Variants in RGS6 observed in about 807,000 individuals in gnomAD.
RGS6 encodes regulator of G-protein signaling 6.
In RGS6, 30 loss-of-function variants were observed where a neutral mutation model predicts 78.5. That is an observed-to-expected ratio of 0.38 (90% confidence interval 0.29 to 0.52). RGS6 has a LOEUF of 0.52. Among genes scored for constraint, RGS6 ranks in the 20% least tolerant of loss-of-function variants. The pLI is 0.85. For synonymous variants in RGS6, 206 were observed against 206.0 expected (o/e 1.00, Z 0.00); for missense variants, 495 against 609.7 (o/e 0.81, Z 1.98).
chr14:71,940,941 T>C (rs1043765122), intron 1 of RGS6, among the ~76,000 whole-genome samples: 63 of 152,222 alleles, frequency 4.1e-4, no homozygotes, highest in African/African-American at 1.5e-3. Flanking sequence ...AGATCAGGCA[T>C]TTCCAGCTCA....
Position 72,250,808 on chromosome 14 carries a change from C to T in RGS6, c.85-101287C>T, listed in dbSNP as rs183258116. ...TCCCTAGTCTTTAAGTGTGTGGATTCAATCATTTATTCATTTTTCTTTATC... is the reference window on the plus strand; with the variant it reads ...TCCCTAGTCTTTAAGTGTGTGGATTTAATCATTTATTCATTTTTCTTTATC... On this transcript the variant is annotated intron_variant, in intron 2 of 17. Coordinates refer to ENST00000553525, the MANE Select transcript of RGS6 (RefSeq NM_001204424.2). 3.5e-3 allele frequency among the ~76,000 whole-genome samples: 531 copies of T among 152,254 alleles called. 3 individuals are homozygous for T. The highest frequency in any genetic ancestry group is 0.011 in the African/African-American group (476 of 41,560).
At chr14:71,981,572 G>T (rs1481345279) in intron 2 of RGS6, among the ~76,000 whole-genome samples, 1 of 151,658 alleles carries the variant, frequency 6.6e-6, no homozygotes, top group African/African-American at 2.4e-5. Flanking sequence ...TAGGCCGCTC[G>T]GGGGTGCCTC....
At chr14:72,390,052 A>G (rs2089514006) in intron 3 of RGS6, among the ~76,000 whole-genome samples, 1 of 151,830 alleles carries the variant, frequency 6.6e-6, no homozygotes, top group Admixed American at 6.6e-5. Flanking sequence ...AAATAAATGA[A>G]TACCAAATAA....
chr14:72,542,970 G>T (rs1260878121), intron 17 of RGS6, among the ~76,000 whole-genome samples: 5 of 152,164 alleles, frequency 3.3e-5, no homozygotes, highest in Non-Finnish European at 7.4e-5. Context: ...GTACTCCCCA[G>T]TCAATAGAGG....
rs912254387 is a variant in RGS6, at chr14:72,106,054, G to A, written c.84+141179G>A. Among the ~76,000 whole-genome samples, 9 of 152,320 alleles carry A rather than the reference G, an allele frequency of 5.9e-5. No homozygotes were observed. The East Asian group carries it at 1.2e-3, about 20-fold the overall frequency. ...GTTGGGAGAAAAAGATCCAGAGGTC[G>A]CAGTGGGATATTTAACAAACATATG... On this transcript the variant is annotated intron_variant, in intron 2 of 17. Transcript: ENST00000553525.
chr14:72,276,009 G>T (rs535966351), intron 2 of RGS6, among the ~76,000 whole-genome samples: 1 of 152,198 alleles, frequency 6.6e-6, no homozygotes, highest in East Asian at 1.9e-4. Context: ...GGGCAGAATT[G>T]GGGGAAGGAG....
chr14:72,113,612 T>C (rs747955683), intron 2 of RGS6, among the ~76,000 whole-genome samples: 25 of 152,230 alleles, frequency 1.6e-4, no homozygotes, highest in Non-Finnish European at 1.9e-4. Context: ...GTTAGTTAAT[T>C]ATTATTGCCC....
intron 2 of RGS6, among the ~76,000 whole-genome samples, chr14:72,291,069 TC>T (rs1456773937): frequency 6.6e-6 from 1 of 151,782 alleles, no homozygotes; most frequent in Non-Finnish European, 1.5e-5. Context: ...ACTCTCCACA[TC>T]CCTGGGGCCA....
intron 2 of RGS6, among the ~76,000 whole-genome samples, chr14:72,224,935 T>A (rs116360610): frequency 2.6e-5 from 4 of 152,110 alleles, no homozygotes; most frequent in South Asian, 2.1e-4. Context: ...AATTCAGCAG[T>A]CCTCGAGGCC....
chr14:72,396,360 C>T (rs984076570), intron 3 of RGS6, among the ~76,000 whole-genome samples: 1 of 152,134 alleles, frequency 6.6e-6, no homozygotes, highest in Non-Finnish European at 1.5e-5. Context: ...CTGTTCATAT[C>T]CTTCACCCAC....
intron 2 of RGS6, among the ~76,000 whole-genome samples, chr14:72,248,462 T>C (rs576010673): frequency 6.6e-5 from 10 of 152,346 alleles, no homozygotes; most frequent in Non-Finnish European, 1.5e-4. Context: ...TATTTTTTAA[T>C]TTTTCAGTTT....
intron 1 of RGS6, among the ~76,000 whole-genome samples, chr14:71,939,912 G>T (rs1322124067): frequency 2.0e-5 from 3 of 152,130 alleles, no homozygotes; most frequent in Non-Finnish European, 4.4e-5. Flanking sequence ...ATCTCTAATG[G>T]CTTCCATTTG....
In RGS6 at chr14:72,516,022, G is replaced by A. The variant is rs560223038; in HGVS notation, c.1092-2329G>A. On this transcript the variant is annotated intron_variant, in intron 14 of 17. Coordinates refer to ENST00000553525, the MANE Select transcript of RGS6 (RefSeq NM_001204424.2). ...TTCCAGCCAGGGATTCAGCCCAGAC[G>A]GCCTCCCTCTGTGAACCTGGTTCTC... Among the ~76,000 whole-genome samples the A allele has an allele frequency of 2.1e-3, 317 of 152,354 alleles. 1 individual carries two copies. The highest frequency in any genetic ancestry group is 7.9e-3 in the South Asian group (38 of 4,830).
intron 2 of RGS6, among the ~76,000 whole-genome samples, chr14:72,162,676 C>T (rs1039468990): frequency 5.3e-5 from 8 of 151,958 alleles, no homozygotes; most frequent in African/African-American, 1.7e-4. Context: ...AGTCATTATA[C>T]GAAAAAGATA....
At chr14:71,890,427 G>A in the RGS6 span, among the ~76,000 whole-genome samples, 1 of 150,722 alleles carries the variant, frequency 6.6e-6, no homozygotes, top group East Asian at 1.9e-4. Context: ...GCATCTGCCG[G>A]TACTTCAGCT....
At chr14:72,115,002 A>C (rs1268385895) in intron 2 of RGS6, among the ~76,000 whole-genome samples, 1 of 152,228 alleles carries the variant, frequency 6.6e-6, no homozygotes, top group African/African-American at 2.4e-5. Context: ...CGGCTCCTTT[A>C]TCTAACAGAT....
chr14:72,050,767 A>G (rs2093182358), intron 2 of RGS6, among the ~76,000 whole-genome samples: 1 of 152,188 alleles, frequency 6.6e-6, no homozygotes, highest in East Asian at 1.9e-4. Context: ...AATTGAAAAT[A>G]CAGTATTCCC....
At chr14:72,164,525 C>T (rs1406727913) in intron 2 of RGS6, among the ~76,000 whole-genome samples, 1 of 152,178 alleles carries the variant, frequency 6.6e-6, no homozygotes, top group Non-Finnish European at 1.5e-5. Flanking sequence ...AAGGGAATCA[C>T]CTCATGGAAT....
At chr14:72,126,021 G>A (rs2096182825) in intron 2 of RGS6, among the ~76,000 whole-genome samples, 1 of 152,168 alleles carries the variant, frequency 6.6e-6, no homozygotes, top group South Asian at 2.1e-4. Context: ...CTAGAAGTAA[G>A]CAACTAAAAG....
Sources: gnomAD v4.1 joint callset for allele counts (sites outside exome capture counted in the v4.1 genomes callset) on GRCh38, gnomAD v4.1.1 for gene constraint, MANE v1.5 for transcripts, NCBI Gene and HGNC (gene_info 2026-07-23, HGNC 2026-07-21) for gene names.